HECTD4: variants seen among roughly 807,000 people sequenced by gnomAD.
The protein encoded by HECTD4 is probable E3 ubiquitin-protein ligase HECTD4.
HECTD4 carries 114 observed loss-of-function variants against 471.5 expected under a neutral mutation model. The observed-to-expected ratio is 0.24, with a 90% CI of 0.21 to 0.28. The LOEUF is 0.28. Ranked by LOEUF, HECTD4 falls within the 10% of genes least tolerant of loss-of-function variation. The pLI is 1.00. For missense variants in HECTD4, 3,866 were observed against 5,651.5 expected (o/e 0.68, Z 10.13); for synonymous variants, 2,012 against 2,256.0 (o/e 0.89, Z 3.07).
At chr12:112,345,788 G>T (rs1008988445) in intron 1 of HECTD4, among the ~76,000 whole-genome samples, 1 of 152,106 alleles carries the variant, frequency 6.6e-6, no homozygotes, top group African/African-American at 2.4e-5. Flanking sequence ...CCAGCTACTC[G>T]GGAGGCTGAG....
rs2034678410 is a variant in HECTD4 at position 112,283,149 on chromosome 12, C to T, written c.1489G>A (p.Gly497Ser). 9.3e-6 allele frequency: 15 copies of T among 1,613,618 alleles called. No homozygotes were observed. The highest frequency in any genetic ancestry group is 1.3e-5 in the Non-Finnish European group (15 of 1,179,740). ...SPSATLAALT[G>S]STISNTLKED... is the part of the protein sequence containing the mutation. ...TTCAGTGTGTTGGAGATGGTGGAACCAGTCAGGGCAGCAAGCGTTGCTGAC... is the reference window on the plus strand; with the variant it reads ...TTCAGTGTGTTGGAGATGGTGGAACTAGTCAGGGCAGCAAGCGTTGCTGAC... The change falls in exon 8 of 76, where the codon GGT (glycine) becomes AGT (serine). Residue 497 changes from glycine to serine, a missense_variant. By Grantham distance (56) the Gly-to-Ser change is moderately conservative (BLOSUM62 0). Coordinates refer to ENST00000682272, the MANE Select transcript of HECTD4 (RefSeq NM_001388303.1).
intron 1 of HECTD4, among the ~76,000 whole-genome samples, chr12:112,341,586 C>G (rs966894595): frequency 6.6e-6 from 1 of 152,192 alleles, no homozygotes; most frequent in Non-Finnish European, 1.5e-5. Flanking sequence ...CCTCGTCTAT[C>G]GCTTTACGGG....
At chr12:112,268,735 A>C (rs993246741) in intron 13 of HECTD4, among the ~76,000 whole-genome samples, 1 of 151,450 alleles carries the variant, frequency 6.6e-6, no homozygotes, top group African/African-American at 2.4e-5. Flanking sequence ...GAGCCTGGGC[A>C]ACAAGAGTGA....
At chr12:112,192,882 C>T in intron 58 of HECTD4, 117 bp from the exon 59 acceptor site, 2 of 1,207,806 alleles carry the variant, frequency 1.7e-6, no homozygotes, top group South Asian at 3.1e-5. Context: ...GTCATTTCCA[C>T]CACACTTTGG....
At chr12:112,298,976 G>C (rs1387551581) in intron 7 of HECTD4, among the ~76,000 whole-genome samples, 1 of 151,884 alleles carries the variant, frequency 6.6e-6, no homozygotes, top group Non-Finnish European at 1.5e-5. Flanking sequence ...TTCTGTGAAA[G>C]TACCATAGGC....
chr12:112,364,957 T>C (rs2036531284), intron 1 of HECTD4, among the ~76,000 whole-genome samples: 1 of 152,176 alleles, frequency 6.6e-6, no homozygotes, highest in African/African-American at 2.4e-5. Context: ...CAATTCTGCT[T>C]TGTAGCATGA....
At chr12:112,254,799 C>A (rs528515706) in intron 21 of HECTD4, among the ~76,000 whole-genome samples, 4 of 152,294 alleles carry the variant, frequency 2.6e-5, no homozygotes, top group African/African-American at 9.6e-5. Flanking sequence ...TTCTCTAATT[C>A]ATTTATAACC....
Position 112,265,908 on chromosome 12 carries a change from C to T in HECTD4, c.2468G>A (p.Arg823Gln), listed in dbSNP as rs780374124. 20 of 1,613,746 alleles carry T rather than the reference C, an allele frequency of 1.2e-5. No homozygotes were observed. The highest frequency in any genetic ancestry group is 4.5e-5 in the East Asian group (2 of 44,886). Reference sequence around the variant, plus strand: ...ATGATCATCCTCATCACTGCCAAATCGGTTGTTTTGGAGCTGTTCAGCCAG... The same window carrying T: ...ATGATCATCCTCATCACTGCCAAATTGGTTGTTTTGGAGCTGTTCAGCCAG... The part of the protein sequence containing the change: ...TNLAEQLQNN[R>Q]FGSDEDDHYR... The change falls in exon 15 of 76, where the codon CGA becomes CAA. Residue 823 changes from arginine (R) to glutamine (Q), a missense_variant. Physicochemically the swap from Arg to Gln is conservative, Grantham distance 43 (BLOSUM62 1). Transcript: ENST00000682272.
At chr12:112,252,810 A>T (rs993950848) in intron 22 of HECTD4, among the ~76,000 whole-genome samples, 48 of 141,042 alleles carry the variant, frequency 3.4e-4, no homozygotes, top group African/African-American at 1.2e-3. Flanking sequence ...CTTGAAAATA[A>T]TTTTTTTTTT....
intron 54 of HECTD4, 45 bp from the exon 55 acceptor site, chr12:112,200,843 T>C: frequency 6.3e-7 from 1 of 1,589,514 alleles, no homozygotes; most frequent in Non-Finnish European, 8.6e-7. Context: ...TTTGCTTTTG[T>C]TTTCCATGTG....
In HECTD4 at chr12:112,279,235, A is replaced by G; in HGVS notation, c.1680T>C (p.Ser560=). ...CAAGTAAAATTCACTTACTTTTTAA[A>G]GATGACAAACCACTTGTTCCACCAA... ...SLFGGTSGLS[S]LKILASSLVY... Residue 560 remains serine (S), a synonymous_variant, in exon 9 of 76, where the codon TCT becomes TCC. Transcript: ENST00000682272. The G allele has an allele frequency of 6.2e-7, 1 of 1,605,292 alleles. No individual in the cohort carries two copies. Among genetic ancestry groups the G allele is most frequent in the Non-Finnish European group, 8.5e-7 (1 of 1,178,132 alleles).
At chr12:112,325,309 G>A (rs1259432019) in intron 1 of HECTD4, among the ~76,000 whole-genome samples, 1 of 152,116 alleles carries the variant, frequency 6.6e-6, no homozygotes, top group African/African-American at 2.4e-5. Context: ...ACACTTAAAT[G>A]ACTGTTGTGT....
chr12:112,199,860 C>T (rs1247976718), intron 55 of HECTD4, among the ~76,000 whole-genome samples: 7 of 152,222 alleles, frequency 4.6e-5, no homozygotes, highest in African/African-American at 1.4e-4. Flanking sequence ...ACTTTCTCCA[C>T]GCTCTTCCAA....
intron 34 of HECTD4, among the ~76,000 whole-genome samples, chr12:112,238,465 ATAT>A (rs2033565096): frequency 6.6e-6 from 1 of 152,250 alleles, no homozygotes; most frequent in Non-Finnish European, 1.5e-5. Flanking sequence ...ACTTCAAAAA[ATAT>A]TTGTTTTTTT....
chr12:112,264,705 A>C (rs1401793703), intron 16 of HECTD4, among the ~76,000 whole-genome samples: 1 of 152,228 alleles, frequency 6.6e-6, no homozygotes, highest in Non-Finnish European at 1.5e-5. Flanking sequence ...AAAGTTTTTC[A>C]AGTGGATTTG....
chr12:112,235,586 G>A lies in HECTD4; in HGVS notation c.5643C>T (p.Asn1881=), dbSNP rs776499420. Residue 1881 remains asparagine (N), a synonymous_variant, in exon 36 of 76, where the codon AAC becomes AAT. Transcript: ENST00000682272. The surrounding 1 kb of genome is among the most constrained non-coding windows in gnomAD (Gnocchi z 5.0). ...GGTCGCTGGGATCCTCCTGCTCACT[G>A]TTTAAGGAGGGGACAGAGTAGCTCC... ...PPWSYSVPSL[N]SEQEDPSDPA... 4.3e-6 allele frequency: 7 copies of A among 1,614,030 alleles called. No individual in the cohort carries two copies. The highest frequency in any genetic ancestry group is 5.9e-6 in the Non-Finnish European group (7 of 1,179,886).
intron 52 of HECTD4, among the ~76,000 whole-genome samples, chr12:112,205,751 C>A (rs571722006): frequency 3.3e-5 from 5 of 152,042 alleles, no homozygotes; most frequent in Admixed American, 1.3e-4. Context: ...CTACCACACT[C>A]GGCTAATATT....
chr12:112,268,868 GTTTTTTT>G lies in HECTD4; in HGVS notation c.2321+829_2321+835del, dbSNP rs561805261. On this transcript the variant is annotated intron_variant, in intron 13 of 75. Coordinates refer to ENST00000682272, the MANE Select transcript of HECTD4 (RefSeq NM_001388303.1). ...AAATTCTGCTCTCTTGTCTGAAAAG[GTTTTTTT>G]TTTTTTTTTTTTTTTTTGAGGCGGA... 1.8e-3 allele frequency among the ~76,000 whole-genome samples: 120 copies of G among 65,852 alleles called. 1 individual carries two copies. The highest frequency in any genetic ancestry group is 5.5e-3 in the African/African-American group (82 of 14,788). 43.2% of individuals were successfully genotyped at this position (65,852 alleles called of 152,430 possible).
In HECTD4 at chr12:112,164,281, G is replaced by A. The variant is rs1449092408; in HGVS notation, c.12535-6C>T. 1 of 1,609,120 alleles carries A rather than the reference G, an allele frequency of 6.2e-7. No homozygotes were observed. Among genetic ancestry groups the A allele is most frequent in the South Asian group, 1.1e-5 (1 of 90,816 alleles). Reference sequence around the variant, plus strand: ...AGCTCGGTCTCATCATTGATCTGGAGGGTGGAGGCAGAGCGAGGCTCATTA... The same window carrying A: ...AGCTCGGTCTCATCATTGATCTGGAAGGTGGAGGCAGAGCGAGGCTCATTA... On this transcript the variant is annotated splice_polypyrimidine_tract_variant and splice_region_variant and intron_variant, in intron 72 of 75. Transcript: ENST00000682272.
Sources: allele counts gnomAD v4.1 joint callset (sites outside exome capture counted in the v4.1 genomes callset), GRCh38; gene constraint gnomAD v4.1.1; non-coding constraint Gnocchi (gnomAD v3.1); transcripts MANE v1.5; gene names NCBI Gene and HGNC (gene_info 2026-07-23, HGNC 2026-07-21).